The following NBEA variants were observed in gnomAD, a reference collection of about 807,000 sequenced individuals.
NBEA encodes lysosomal-trafficking regulator 2.
In NBEA, 44 loss-of-function variants were observed where a neutral mutation model predicts 343.4. The ratio of observed to expected loss-of-function variants is 0.13; its 90% CI spans 0.10 to 0.16. The LOEUF is 0.16. Ranked by LOEUF, NBEA falls within the 10% of genes least tolerant of loss-of-function variation. The pLI, the probability that NBEA is intolerant of heterozygous loss-of-function variation, is 1.00. For missense variants in NBEA, 2,555 were observed against 3,631.3 expected (o/e 0.70, Z 7.62); for synonymous variants, 1,175 against 1,238.7 (o/e 0.95, Z 1.08).
intron 38 of NBEA, among the ~76,000 whole-genome samples, chr13:35,389,079 T>C (rs1242599584): frequency 2.0e-5 from 3 of 151,956 alleles, no homozygotes; most frequent in African/African-American, 7.3e-5. Flanking sequence ...GTTCACAGTT[T>C]GCTCCCACTC....
intron 18 of NBEA, among the ~76,000 whole-genome samples, chr13:35,148,944 C>A (rs1022801550): frequency 1.3e-5 from 2 of 152,150 alleles, no homozygotes; most frequent in Non-Finnish European, 2.9e-5. Flanking sequence ...AGTTTTCTGA[C>A]CCCTGCTCTA....
chr13:35,346,982 G>A (rs1475146557), intron 36 of NBEA, among the ~76,000 whole-genome samples: 1 of 152,070 alleles, frequency 6.6e-6, no homozygotes. Flanking sequence ...AAGTAATTTG[G>A]TGGGAAGATA....
intron 13 of NBEA, among the ~76,000 whole-genome samples, chr13:35,114,402 A>G (rs2066393080): frequency 6.6e-6 from 1 of 152,146 alleles, no homozygotes; most frequent in Non-Finnish European, 1.5e-5. Context: ...TTATAAAACC[A>G]GTGTTTTGAT....
intron 41 of NBEA, among the ~76,000 whole-genome samples, chr13:35,480,568 C>T (rs1038663269): frequency 1.5e-4 from 23 of 151,882 alleles, no homozygotes; most frequent in Non-Finnish European, 3.1e-4. Context: ...GTGCTTATTA[C>T]GCTGGGGAGA....
At chr13:35,078,767 G>T (rs73483935) in intron 10 of NBEA, among the ~76,000 whole-genome samples, 1 of 152,082 alleles carries the variant, frequency 6.6e-6, no homozygotes, top group African/African-American at 2.4e-5. Flanking sequence ...GAGGCAAGCC[G>T]ACTTATAAAA....
intron 38 of NBEA, among the ~76,000 whole-genome samples, chr13:35,426,696 T>A (rs1007842926): frequency 1.3e-5 from 2 of 152,200 alleles, no homozygotes; most frequent in African/African-American, 4.8e-5. Context: ...TTGGCCTGCC[T>A]TGCTAGGTTG....
chr13:35,472,524 G>T lies in NBEA; in HGVS notation c.6573G>T (p.Lys2191Asn), dbSNP rs919917535. 1 of 1,613,998 alleles carries T rather than the reference G, an allele frequency of 6.2e-7. No homozygotes were observed. The highest frequency in any genetic ancestry group is 8.5e-7 in the Non-Finnish European group (1 of 1,179,884). Residue 2191 changes from lysine to asparagine, a missense_variant, in exon 41 of 59, where the codon AAG becomes AAT. Physicochemically the swap from Lys to Asn is moderately conservative, Grantham distance 94 (BLOSUM62 0). Transcript: ENST00000379939. The part of the protein sequence containing the change: ...EVDEDDSAFK[K>N]IDTKVLAYTE... ...ATGAGGATGATTCTGCCTTCAAGAA[G>T]ATCGACACGAAAGTGAGTTAAAGCG...
chr13:35,007,796 A>G (rs1241116385), intron 1 of NBEA, among the ~76,000 whole-genome samples: 1 of 152,070 alleles, frequency 6.6e-6, no homozygotes, highest in Non-Finnish European at 1.5e-5. Flanking sequence ...CCCAGCCCTC[A>G]ATCTTGTTTT....
rs143921009 is a variant in NBEA, at chr13:35,272,395, G to A, written c.5777-17994G>A. On this transcript the variant is annotated intron_variant, in intron 34 of 58. Transcript: ENST00000379939. ...AGGAACAACCGGTACCAGCCACTGCGAAAACATGCCAAATTGTAAAGACCC... is the reference window on the plus strand; with the variant it reads ...AGGAACAACCGGTACCAGCCACTGCAAAAACATGCCAAATTGTAAAGACCC... 6.9e-3 allele frequency among the ~76,000 whole-genome samples: 1,043 copies of A among 152,178 alleles called. 6 individuals are homozygous for A. The highest frequency in any genetic ancestry group is 0.035 in the South Asian group (167 of 4,830).
chr13:35,635,112 TAATTTAAGGGC>T (rs2083640045), intron 49 of NBEA, among the ~76,000 whole-genome samples: 1 of 152,100 alleles, frequency 6.6e-6, no homozygotes, highest in African/African-American at 2.4e-5. Context: ...AAATGAAGGG[TAATTTAAGGGC>T]CCATAATGAC....
intron 41 of NBEA, among the ~76,000 whole-genome samples, chr13:35,529,995 T>C (rs1230850515): frequency 6.6e-6 from 1 of 152,166 alleles, no homozygotes; most frequent in Non-Finnish European, 1.5e-5. Flanking sequence ...AATATTAAAT[T>C]TCCAATGTGA....
intron 24 of NBEA, 145 bp downstream of exon 24, chr13:35,164,654 AC>A (rs1405492755): frequency 1.1e-6 from 1 of 873,808 alleles, no homozygotes; most frequent in Non-Finnish European, 1.7e-6. Flanking sequence ...TATTTCCACC[AC>A]TTTTGTTTAT....
At chr13:35,452,556 T>A (rs1335866425) in intron 40 of NBEA, among the ~76,000 whole-genome samples, 1 of 152,146 alleles carries the variant, frequency 6.6e-6, no homozygotes, top group Non-Finnish European at 1.5e-5. Flanking sequence ...AGAATGACAG[T>A]TTCATTGATT....
intron 36 of NBEA, among the ~76,000 whole-genome samples, chr13:35,330,911 A>C (rs909115991): frequency 1.3e-5 from 2 of 152,030 alleles, no homozygotes; most frequent in Admixed American, 6.6e-5. Context: ...CAGTGTTCAG[A>C]TCTTTGTAAT....
At chr13:35,122,375 G>T (rs899641182) in intron 16 of NBEA, among the ~76,000 whole-genome samples, 1 of 152,044 alleles carries the variant, frequency 6.6e-6, no homozygotes, top group Non-Finnish European at 1.5e-5. Flanking sequence ...ATACACCATG[G>T]AATACTATGC....
chr13:35,429,402 C>G (rs1566120495), intron 38 of NBEA, among the ~76,000 whole-genome samples: 1 of 152,100 alleles, frequency 6.6e-6, no homozygotes, highest in African/African-American at 2.4e-5. Context: ...TTCTATCTTG[C>G]TAAACTGCTG....
chr13:35,537,426 C>T (rs760180261), intron 41 of NBEA, among the ~76,000 whole-genome samples: 1 of 151,690 alleles, frequency 6.6e-6, no homozygotes, highest in Non-Finnish European at 1.5e-5. Flanking sequence ...GACAACATAC[C>T]AGGCATTGTG....
In NBEA at chr13:35,255,987, G is replaced by C. The variant is rs796788328; in HGVS notation, c.5776+23368G>C. 4.2e-4 allele frequency among the ~76,000 whole-genome samples: 63 copies of C among 151,552 alleles called. 1 individual carries two copies. Among genetic ancestry groups the C allele is most frequent in the African/African-American group, 1.4e-3 (59 of 41,278 alleles). On this transcript the variant is annotated intron_variant, in intron 34 of 58. Coordinates refer to ENST00000379939, the MANE Select transcript of NBEA (RefSeq NM_001385012.1). The stretch of plus-strand genomic sequence containing the variant: ...CTTTCCGCAGGCAGGTCATCCCAGT[G>C]AGTGTCCAGCTGTCAGTGGAAAGGA...
chr13:35,015,150 A>C lies in NBEA; in HGVS notation c.295-25783A>C, dbSNP rs1054265736. Among the ~76,000 whole-genome samples the C allele has an allele frequency of 1.3e-5, 2 of 149,382 alleles. 1 individual carries two copies. Among genetic ancestry groups the C allele is most frequent in the Admixed American group, 1.3e-4 (2 of 14,904 alleles). On this transcript the variant is annotated intron_variant, in intron 1 of 58. Coordinates refer to ENST00000379939, the MANE Select transcript of NBEA (RefSeq NM_001385012.1). ...CTGAAAAAAAAAAAACAAACAAAAA[A>C]AAAAAACCACACACAAAGCAGGGGC...
Sources: gnomAD v4.1 joint callset for allele counts (sites outside exome capture counted in the v4.1 genomes callset) on GRCh38, gnomAD v4.1.1 for gene constraint, MANE v1.5 for transcripts, NCBI Gene and HGNC (gene_info 2026-07-23, HGNC 2026-07-21) for gene names.